The following GMDS variants were observed in gnomAD, a reference collection of about 807,000 sequenced individuals.
The protein encoded by GMDS is GDP-mannose 4,6-dehydratase, also known as GDP-mannose 4,6 dehydratase.
GMDS carries 20 observed loss-of-function variants against 49.9 expected under a neutral mutation model. The ratio of observed to expected loss-of-function variants is 0.40; its 90% confidence interval spans 0.28 to 0.58. The LOEUF is 0.58. Among genes scored for constraint, GMDS ranks in the 20% least tolerant of loss-of-function variants. GMDS has a pLI of 0.42. For missense variants in GMDS, 362 were observed against 481.4 expected, an observed-to-expected ratio of 0.75 and a Z score of 2.32; for synonymous variants, 177 against 178.6, an observed-to-expected ratio of 0.99 and a Z score of 0.07.
At chr6:1,904,322 C>T (rs2113864091) in intron 7 of GMDS, among the ~76,000 whole-genome samples, 2 of 152,166 alleles carry the variant, frequency 1.3e-5, no homozygotes, top group South Asian at 2.1e-4. Flanking sequence ...ACCCTGGGGG[C>T]CTTACTGTTA....
chr6:2,171,957 C>CA (rs1429051594), intron 1 of GMDS, among the ~76,000 whole-genome samples: 3 of 152,286 alleles, frequency 2.0e-5, no homozygotes, highest in East Asian at 3.9e-4. Flanking sequence ...AGAAACAACT[C>CA]ACGTGGCCGG....
chr6:2,242,976 T>C (rs1781685592), intron 1 of GMDS, among the ~76,000 whole-genome samples: 2 of 152,112 alleles, frequency 1.3e-5, no homozygotes, highest in Non-Finnish European at 1.5e-5. Context: ...GGAATACAAA[T>C]AAAAAACATA....
intron 1 of GMDS, among the ~76,000 whole-genome samples, chr6:2,201,934 A>G (rs1779558198): frequency 7.4e-6 from 1 of 134,842 alleles, no homozygotes; most frequent in Non-Finnish European, 1.6e-5. Flanking sequence ...AGAGCACCAC[A>G]TGGACATCCG....
Position 2,224,093 on chromosome 6 carries a change from C to T in GMDS, c.102+21228G>A, listed in dbSNP as rs369061701. On this transcript the variant is annotated intron_variant, in intron 1 of 10. Transcript: ENST00000380815. The stretch of plus-strand genomic sequence containing the variant: ...AAGGACTGAAGTTGCAGGGTTTAGC[C>T]GTGAAAGGTAATTTAGAAGATCTTA... 8.3e-4 allele frequency among the ~76,000 whole-genome samples: 126 copies of T among 152,066 alleles called. 2 individuals are homozygous for T. In the South Asian group the frequency reaches 0.023, roughly 28 times the overall value.
chr6:1,947,890 G>T (rs781550133), intron 6 of GMDS, among the ~76,000 whole-genome samples: 38 of 152,054 alleles, frequency 2.5e-4, no homozygotes, highest in Admixed American at 4.6e-4. Context: ...TTTTTAACTT[G>T]TTCAGAGAAA....
At chr6:2,148,775 A>G (rs1776700924) in intron 1 of GMDS, among the ~76,000 whole-genome samples, 2 of 152,228 alleles carry the variant, frequency 1.3e-5, no homozygotes, top group East Asian at 3.8e-4. Context: ...CCTGTGTATT[A>G]TATCAGCTTT....
chr6:1,705,695 T>A (rs1486338805), intron 9 of GMDS, among the ~76,000 whole-genome samples: 5 of 152,098 alleles, frequency 3.3e-5, no homozygotes, highest in African/African-American at 7.2e-5. Flanking sequence ...AGTGTGGGTG[T>A]CCATGGCAAC....
intron 7 of GMDS, among the ~76,000 whole-genome samples, chr6:1,879,649 T>C (rs1759268452): frequency 6.6e-6 from 1 of 152,200 alleles, no homozygotes; most frequent in African/African-American, 2.4e-5. Context: ...TTTCTGATTT[T>C]TACTCCTCTG....
At chr6:1,806,258 T>A (rs1011809477) in intron 7 of GMDS, among the ~76,000 whole-genome samples, 4 of 152,198 alleles carry the variant, frequency 2.6e-5, no homozygotes, top group African/African-American at 9.7e-5. Context: ...TATTTGCTTA[T>A]CATAGGCTAA....
At chr6:1,969,448 G>A (rs1581438552) in intron 4 of GMDS, among the ~76,000 whole-genome samples, 1 of 151,996 alleles carries the variant, frequency 6.6e-6, no homozygotes, top group Non-Finnish European at 1.5e-5. Flanking sequence ...AAACACAGCA[G>A]AAGAGAAGTC....
intron 7 of GMDS, among the ~76,000 whole-genome samples, chr6:1,782,978 A>AAG: frequency 6.6e-6 from 1 of 151,792 alleles, no homozygotes; most frequent in Non-Finnish European, 1.5e-5. Context: ...ACATAGTGGG[A>AAG]CTCCATCTTT....
intron 7 of GMDS, among the ~76,000 whole-genome samples, chr6:1,922,015 A>C (rs1210027790): frequency 6.6e-6 from 1 of 152,238 alleles, no homozygotes; most frequent in Admixed American, 6.5e-5. Context: ...AAGAAAGAAC[A>C]CCTTAGGCTC....
chr6:2,232,657 G>T (rs1057374314), intron 1 of GMDS, among the ~76,000 whole-genome samples: 2 of 152,216 alleles, frequency 1.3e-5, no homozygotes, highest in African/African-American at 4.8e-5. Flanking sequence ...GACTGAAGAA[G>T]ATGACTGAGA....
chr6:1,955,718 C>G (rs1763599584), intron 6 of GMDS, among the ~76,000 whole-genome samples: 1 of 140,174 alleles, frequency 7.1e-6, no homozygotes, highest in Non-Finnish European at 1.5e-5. Context: ...ACACGGTTCT[C>G]AAAACAAATA....
chr6:2,174,440 G>T (rs1266130311), intron 1 of GMDS, among the ~76,000 whole-genome samples: 1 of 152,038 alleles, frequency 6.6e-6, no homozygotes, highest in Non-Finnish European at 1.5e-5. Context: ...CTAAATCAAG[G>T]ATAAAGACCA....
intron 7 of GMDS, among the ~76,000 whole-genome samples, chr6:1,825,994 C>T (rs1369419473): frequency 3.3e-5 from 5 of 152,078 alleles, no homozygotes; most frequent in South Asian, 2.1e-4. Context: ...CCAGCCTGGG[C>T]GACAGATTGA....
chr6:1,873,435 G>C (rs572435159), intron 7 of GMDS, among the ~76,000 whole-genome samples: 1 of 152,142 alleles, frequency 6.6e-6, no homozygotes. Flanking sequence ...ATAAGGGAAT[G>C]GAATTTTGAG....
At chr6:2,043,787 G>A (rs1287009435) in intron 4 of GMDS, among the ~76,000 whole-genome samples, 4 of 151,698 alleles carry the variant, frequency 2.6e-5, no homozygotes, top group Non-Finnish European at 4.4e-5. Flanking sequence ...CAGGATGGGA[G>A]AAAGTTTTTG....
chr6:1,865,500 A>C (rs147277426), intron 7 of GMDS, among the ~76,000 whole-genome samples: 106 of 152,342 alleles, frequency 7.0e-4, no homozygotes, highest in African/African-American at 2.5e-3. Context: ...TGAAGGAAGA[A>C]GAGAAGCAGA....
Sources: gnomAD v4.1 joint callset for allele counts (sites outside exome capture counted in the v4.1 genomes callset) on GRCh38, gnomAD v4.1.1 for gene constraint, MANE v1.5 for transcripts, NCBI Gene and HGNC (gene_info 2026-07-23, HGNC 2026-07-21) for gene names.